The following PTGR1 variants were observed in gnomAD, a reference collection of about 807,000 sequenced individuals.
The protein encoded by PTGR1 is 15-oxoprostaglandin 13-reductase.
Under a neutral mutation model 37.7 loss-of-function variants are expected in PTGR1, and 23 were observed. The ratio of observed to expected loss-of-function variants is 0.61; its 90% CI spans 0.44 to 0.86. PTGR1 has a LOEUF of 0.86. PTGR1 is among the 40% of genes least tolerant of loss of function. The probability of loss-of-function intolerance (pLI) is 0.00; values close to 1 mark genes in which losing one functional copy is unlikely to be tolerated. For synonymous variants in PTGR1, 134 were observed against 140.0 expected (o/e 0.96, Z 0.30); for missense variants, 351 against 394.3 (o/e 0.89, Z 0.93).
chr9:111,558,556 C>T (rs1828188684), downstream of PTGR1, among the ~76,000 whole-genome samples: 1 of 152,166 alleles, frequency 6.6e-6, no homozygotes. Flanking sequence ...TGTATCTTCC[C>T]TACCCCAGCC....
chr9:111,572,756 C>CA (rs58101079), intron 8 of PTGR1, among the ~76,000 whole-genome samples: 18,111 of 61,868 alleles, frequency 0.29, 2,366 homozygotes, highest in Non-Finnish European at 0.36. Flanking sequence ...GACCCTGTCT[C>CA]AAAAAAAAAA....
In PTGR1 at chr9:111,574,785, C is replaced by T. The variant is rs995030805; in HGVS notation, c.709G>A (p.Ala237Thr). The T allele has an allele frequency of 1.9e-6, 3 of 1,613,926 alleles. No homozygotes were observed. Among genetic ancestry groups the T allele is most frequent in the Non-Finnish European group, 1.7e-6 (2 of 1,179,938 alleles). ...IGQMKKFGRI[A>T]ICGAISTYNR... The stretch of plus-strand genomic sequence containing the variant: ...TATGTAGAGATGGCTCCACATATGG[C>T]AATCCTTCCAAATTTCTTCATCTGG... Residue 237 changes from alanine (A) to threonine (T), a missense_variant, in exon 8 of 10, where the codon GCC becomes ACC. Physicochemically the swap from Ala to Thr is moderately conservative, Grantham distance 58. Transcript: ENST00000407693.
At chr9:111,554,443 C>G (rs988782331) in intron 9 of PTGR1, among the ~76,000 whole-genome samples, 5 of 152,202 alleles carry the variant, frequency 3.3e-5, no homozygotes, top group African/African-American at 1.2e-4. Flanking sequence ...TTCTTTCGGT[C>G]ACCAAACTCT....
intron 9 of PTGR1, chr9:111,549,806 A>G (rs990203115): frequency 4.7e-5 from 71 of 1,498,114 alleles, no homozygotes; most frequent in East Asian, 7.4e-5. Context: ...TGATCTGTCA[A>G]CACAATCAGA....
At chr9:111,569,953 C>T in intron 9 of PTGR1, 138 bp downstream of exon 9, 2 of 1,362,828 alleles carry the variant, frequency 1.5e-6, no homozygotes, top group East Asian at 2.5e-5. Context: ...AATATTTATA[C>T]TCTAAGCACA....
chr9:111,590,927 A>G (rs1045311590), intron 4 of PTGR1, among the ~76,000 whole-genome samples: 26 of 147,422 alleles, frequency 1.8e-4, no homozygotes, highest in African/African-American at 6.7e-4. Context: ...ATATTCATAT[A>G]CTGTCAATGA....
chr9:111,567,671 A>G (rs1170380040), intron 9 of PTGR1, among the ~76,000 whole-genome samples: 1 of 152,216 alleles, frequency 6.6e-6, no homozygotes, highest in African/African-American at 2.4e-5. Context: ...TTTAAGTGAA[A>G]TGCAGAGCTT....
intron 9 of PTGR1, among the ~76,000 whole-genome samples, chr9:111,555,127 A>C (rs1828084469): frequency 6.6e-6 from 1 of 152,120 alleles, no homozygotes; most frequent in Non-Finnish European, 1.5e-5. Flanking sequence ...TCAGACTTCC[A>C]CTTAGTATCC....
downstream of PTGR1, among the ~76,000 whole-genome samples, chr9:111,561,104 TATATATAG>T (rs1228084260): frequency 1.5e-4 from 4 of 26,384 alleles, 1 homozygote; most frequent in African/African-American, 1.3e-3. Flanking sequence ...TATATATATA[TATATATAG>T]AGAGAGAGAG....
intron 1 of PTGR1, among the ~76,000 whole-genome samples, chr9:111,597,683 G>C (rs1477462086): frequency 6.6e-6 from 1 of 152,162 alleles, no homozygotes; most frequent in Non-Finnish European, 1.5e-5. Context: ...CCAGTGTACG[G>C]ATGAGGAAAC....
intron 9 of PTGR1, among the ~76,000 whole-genome samples, chr9:111,555,234 T>C (rs141866677): frequency 4.9e-4 from 75 of 152,322 alleles, no homozygotes; most frequent in African/African-American, 1.8e-3. Flanking sequence ...ATAATGCCTC[T>C]CATTTCCTGT....
Position 111,570,157 on chromosome 9 carries a change from G to C in PTGR1, c.813C>G (p.Val271=). The change falls in exon 9 of 10, where the codon GTC becomes GTG. Residue 271 remains valine (V), a synonymous_variant. Coordinates refer to ENST00000407693, the MANE Select transcript of PTGR1 (RefSeq NM_001146108.2). ...IYQELRMEAF[V]VYRWQGDARQ... is the part of the protein sequence containing the mutation. ...GGGCATCTCCTTGCCAGCGGTAGACGACAAAAGCTTCCATGCGAAGCTCCT... is the reference window on the plus strand; with the variant it reads ...GGGCATCTCCTTGCCAGCGGTAGACCACAAAAGCTTCCATGCGAAGCTCCT... 1 of 1,614,082 alleles carries C rather than the reference G, an allele frequency of 6.2e-7. No homozygotes were observed. Among genetic ancestry groups the C allele is most frequent in the African/African-American group, 1.3e-5 (1 of 75,022 alleles).
At chr9:111,561,272 G>T (rs550190927), downstream of PTGR1, among the ~76,000 whole-genome samples, 1 of 151,108 alleles carries the variant, frequency 6.6e-6, no homozygotes, top group African/African-American at 2.4e-5. Context: ...TTTTGTTGTT[G>T]TTTTGTTTTT....
At chr9:111,573,283 G>GA (rs371843056) in intron 8 of PTGR1, among the ~76,000 whole-genome samples, 3 of 151,846 alleles carry the variant, frequency 2.0e-5, no homozygotes, top group East Asian at 1.9e-4. Flanking sequence ...ATTATAGGGG[G>GA]AAAAAAAAGT....
downstream of PTGR1, among the ~76,000 whole-genome samples, chr9:111,558,037 C>T (rs185570914): frequency 2.0e-5 from 3 of 152,194 alleles, no homozygotes; most frequent in Non-Finnish European, 4.4e-5. Context: ...GTCCCAGCTA[C>T]TCAGGAGGCT....
intron 6 of PTGR1, 49 bp from the exon 7 acceptor site, chr9:111,579,000 T>G (rs368919525): frequency 2.0e-6 from 3 of 1,533,574 alleles, no homozygotes; most frequent in Non-Finnish European, 2.6e-6. Context: ...GTCACAAGCA[T>G]GGACCAACAC....
downstream of PTGR1, among the ~76,000 whole-genome samples, chr9:111,560,966 TATATATATAGAGAGAGAGAGAGAG>T (rs1442011631): frequency 5.1e-4 from 23 of 45,356 alleles, 1 homozygote; most frequent in East Asian, 0.014. Flanking sequence ...TATATATATA[TATATATATAGAGAGAGAGAGAGAG>T]AGAGAGAGAG....
chr9:111,588,302 T>C (rs149205349), intron 4 of PTGR1, among the ~76,000 whole-genome samples: 1,578 of 151,372 alleles, frequency 0.01, 13 homozygotes, highest in South Asian at 0.023. Context: ...GTTCACACCA[T>C]TGTCCTGCCT....
chr9:111,565,054 G>A (rs1358839079), intron 9 of PTGR1, among the ~76,000 whole-genome samples: 1 of 152,120 alleles, frequency 6.6e-6, no homozygotes. Flanking sequence ...AACCCGGCAG[G>A]CGGAGGTTGC....
Sources: allele counts gnomAD v4.1 joint callset (sites outside exome capture counted in the v4.1 genomes callset), GRCh38; gene constraint gnomAD v4.1.1; transcripts MANE v1.5; gene names NCBI Gene and HGNC (gene_info 2026-07-23, HGNC 2026-07-21).